The following DYNC2H1 variants were observed in gnomAD, a reference collection of about 807,000 sequenced individuals.
DYNC2H1 encodes dynein cytoplasmic 2 heavy chain 1.
DYNC2H1 carries 410 observed loss-of-function variants against 570.0 expected under a neutral mutation model. That is an observed-to-expected ratio of 0.72 (90% CI 0.66 to 0.78). The LOEUF (loss-of-function observed/expected upper bound fraction) is 0.78. Ranked by LOEUF, DYNC2H1 falls within the 30% of genes least tolerant of loss-of-function variation. DYNC2H1 has a pLI of 0.00. For synonymous variants in DYNC2H1, 1,688 were observed against 1,677.6 expected, an observed-to-expected ratio of 1.01 and a Z score of -0.15; for missense variants, 4,865 against 5,046.4, an observed-to-expected ratio of 0.96 and a Z score of 1.09.
chr11:103,404,110 A>T (rs1276651891), intron 84 of DYNC2H1: 1 of 151,956 alleles, frequency 6.6e-6, no homozygotes, highest in Non-Finnish European at 1.5e-5. Context: ...AAAGTGAGTA[A>T]TTCTTCCATA....
intron 82 of DYNC2H1, among the ~76,000 whole-genome samples, chr11:103,349,796 C>T (rs576050329): frequency 6.6e-6 from 1 of 152,164 alleles, no homozygotes; most frequent in African/African-American, 2.4e-5. Context: ...GAGTTCTTAA[C>T]ATGGTAGGGG....
chr11:103,167,081 A>G (rs1316552977), intron 31 of DYNC2H1, among the ~76,000 whole-genome samples: 1 of 116,354 alleles, frequency 8.6e-6, no homozygotes, highest in Non-Finnish European at 1.7e-5. Flanking sequence ...TCTTTCCTTT[A>G]TTATTTCCAT....
chr11:103,132,103 G>A (rs536995399), intron 13 of DYNC2H1, among the ~76,000 whole-genome samples: 183 of 152,016 alleles, frequency 1.2e-3, no homozygotes, highest in Non-Finnish European at 2.0e-3. Flanking sequence ...AAGCATGTAT[G>A]TATATATATA....
chr11:103,118,187 A>G, intron 6 of DYNC2H1, among the ~76,000 whole-genome samples: 1 of 152,136 alleles, frequency 6.6e-6, no homozygotes, highest in East Asian at 1.9e-4. Flanking sequence ...TTTAAGTGGT[A>G]TTCAGTGGAA....
chr11:103,286,199 T>G, intron 73 of DYNC2H1, 56 bp from the exon 74 acceptor site: 2 of 1,581,392 alleles, frequency 1.3e-6, no homozygotes, highest in Non-Finnish European at 8.6e-7. Context: ...TAAAAATAAA[T>G]GTATGTGCTT....
At chr11:103,255,819 CAA>C (rs1865034182) in intron 67 of DYNC2H1, among the ~76,000 whole-genome samples, 1 of 151,888 alleles carries the variant, frequency 6.6e-6, no homozygotes, top group South Asian at 2.1e-4. Flanking sequence ...GAAATTATAA[CAA>C]TCTGTAACTT....
chr11:103,143,422 G>A lies in DYNC2H1; in HGVS notation c.2702+27G>A, dbSNP rs370966258. 125 of 1,562,980 alleles carry A rather than the reference G, an allele frequency of 8.0e-5. No individual in the cohort carries two copies. The African/African-American group carries it at 1.4e-3, about 18-fold the overall frequency. Reference sequence around the variant, plus strand: ...TATTGGAGGTTAATGTAGTACTTACGTACCATAATAATTTTTTGACATGGA... The same window carrying A: ...TATTGGAGGTTAATGTAGTACTTACATACCATAATAATTTTTTGACATGGA... On this transcript the variant is annotated intron_variant, in intron 18 of 88. Coordinates refer to ENST00000375735, the MANE Select transcript of DYNC2H1 (RefSeq NM_001377.3).
chr11:103,455,761 G>C (rs1944766131), intron 86 of DYNC2H1, among the ~76,000 whole-genome samples: 1 of 151,946 alleles, frequency 6.6e-6, no homozygotes, highest in Non-Finnish European at 1.5e-5. Flanking sequence ...TAGGCTCCTT[G>C]GTGGAGAACA....
chr11:103,216,961 T>G (rs1220806824), intron 55 of DYNC2H1, among the ~76,000 whole-genome samples: 1 of 152,154 alleles, frequency 6.6e-6, no homozygotes, highest in East Asian at 1.9e-4. Flanking sequence ...ACTTATAAAT[T>G]ATATTATACT....
At chr11:103,220,512 T>A in intron 56 of DYNC2H1, 111 bp from the exon 57 acceptor site, 1 of 1,056,194 alleles carries the variant, frequency 9.5e-7, no homozygotes, top group Non-Finnish European at 1.3e-6. Flanking sequence ...AGAGAGAACA[T>A]TAGTAACTAT....
chr11:103,470,270 A>G (rs78931173), intron 88 of DYNC2H1, among the ~76,000 whole-genome samples: 3,466 of 152,306 alleles, frequency 0.023, 80 homozygotes, highest in African/African-American at 0.054. Flanking sequence ...TATTATTTCT[A>G]TCCAGTTTTA....
chr11:103,382,405 T>C (rs1454226388), intron 83 of DYNC2H1, among the ~76,000 whole-genome samples: 2 of 152,162 alleles, frequency 1.3e-5, no homozygotes, highest in Non-Finnish European at 2.9e-5. Context: ...TAGCTTAATT[T>C]CTAAAGAATA....
rs1861871197 is a variant in DYNC2H1 at position 103,177,439 on chromosome 11, C to T, written c.5875-117C>T. On this transcript the variant is annotated intron_variant, in intron 37 of 88. Coordinates refer to ENST00000375735, the MANE Select transcript of DYNC2H1 (RefSeq NM_001377.3). The surrounding 1 kb of genome is among the most constrained non-coding windows in gnomAD (Gnocchi z 4.4). The stretch of plus-strand genomic sequence containing the variant: ...TCTATTACATTTTAGGCAATACCTT[C>T]CACTGAAGAAATCAAAGGCTTAATT... 4.1e-6 allele frequency: 4 copies of T among 971,250 alleles called. No individual in the cohort carries two copies. The highest frequency in any genetic ancestry group is 5.9e-6 in the Non-Finnish European group (4 of 679,244). The allele number at this position is 971,250 out of a possible 1,614,324, so 60.2% of individuals were successfully genotyped here.
At chr11:103,449,992 A>G (rs530766743) in intron 85 of DYNC2H1, among the ~76,000 whole-genome samples, 22 of 152,308 alleles carry the variant, frequency 1.4e-4, no homozygotes, top group African/African-American at 5.3e-4. Flanking sequence ...CAAATAAGTT[A>G]AAAGGAAAAT....
intron 85 of DYNC2H1, among the ~76,000 whole-genome samples, chr11:103,453,478 C>T (rs1309522501): frequency 6.6e-6 from 1 of 151,738 alleles, no homozygotes; most frequent in East Asian, 1.9e-4. Flanking sequence ...TTGCATTAGT[C>T]TACCTTTAAG....
chr11:103,245,612 C>T lies in DYNC2H1; in HGVS notation c.10042+238C>T, dbSNP rs1864585009. ...GGGTTGATTACGTAAGCACACTCTC[C>T]CTAGCACATTACAAAATTCTAGACC... On this transcript the variant is annotated intron_variant, in intron 65 of 88. Transcript: ENST00000375735. This position sits in a 1 kb window ranked among gnomAD's most constrained non-coding sequence, Gnocchi z 4.5. Among the ~76,000 whole-genome samples, 1 of 152,174 alleles carries T rather than the reference C, an allele frequency of 6.6e-6. No individual in the cohort carries two copies. The highest frequency in any genetic ancestry group is 2.4e-5 in the African/African-American group (1 of 41,544).
intron 22 of DYNC2H1, 139 bp downstream of exon 22, chr11:103,153,647 T>C (rs1207819214): frequency 1.2e-6 from 1 of 814,330 alleles, no homozygotes; most frequent in African/African-American, 1.8e-5. Flanking sequence ...ATAATAAGCA[T>C]TCATATACTG....
In DYNC2H1 at chr11:103,223,061, G is replaced by A; in HGVS notation, c.9328G>A (p.Glu3110Lys). 2 of 1,612,586 alleles carry A rather than the reference G, an allele frequency of 1.2e-6. No homozygotes were observed. Among genetic ancestry groups the A allele is most frequent in the Non-Finnish European group, 1.7e-6 (2 of 1,179,238 alleles). The stretch of plus-strand genomic sequence containing the variant: ...TGTCTTGGAACGAATTCATCCTTTG[G>A]AAACTGAACAGGCAGGATTAGAATC... ...SHVLERIHPL[E>K]TEQAGLESNL... The change falls in exon 59 of 89, where the codon GAA becomes AAA. Residue 3110 changes from glutamate (E) to lysine (K), a missense_variant. Physicochemically the swap from Glu to Lys is moderately conservative, Grantham distance 56. Coordinates refer to ENST00000375735, the MANE Select transcript of DYNC2H1 (RefSeq NM_001377.3).
chr11:103,342,726 G>A lies in DYNC2H1; in HGVS notation c.12040-15517G>A, dbSNP rs1408922568. 6.6e-5 allele frequency among the ~76,000 whole-genome samples: 10 copies of A among 151,800 alleles called. No homozygotes were observed. The East Asian group carries it at 1.2e-3, about 18-fold the overall frequency. On this transcript the variant is annotated intron_variant, in intron 82 of 88. Coordinates refer to ENST00000375735, the MANE Select transcript of DYNC2H1 (RefSeq NM_001377.3). ...TCACCATGTTAGCCAGGATGGTCTC[G>A]ACCTCCTGACCTCGTGATCCACCCG... is the stretch of plus-strand genomic sequence containing the variant.
Sources: allele counts gnomAD v4.1 joint callset (sites outside exome capture counted in the v4.1 genomes callset), GRCh38; gene constraint gnomAD v4.1.1; non-coding constraint Gnocchi (gnomAD v3.1); transcripts MANE v1.5; gene names NCBI Gene and HGNC (gene_info 2026-07-23, HGNC 2026-07-21).